The following MARK2 variants were observed in gnomAD, a reference collection of about 807,000 sequenced individuals.
MARK2 encodes the protein serine/threonine-protein kinase MARK2.
In MARK2, 16 loss-of-function variants were observed where a neutral mutation model predicts 89.8. The ratio of observed to expected loss-of-function variants is 0.18; its 90% CI spans 0.12 to 0.27. The LOEUF (loss-of-function observed/expected upper bound fraction) is 0.27, where lower values mean the gene tolerates loss of function less well. Ranked by LOEUF, MARK2 falls within the 10% of genes least tolerant of loss-of-function variation. The pLI, the probability that MARK2 is intolerant of heterozygous loss-of-function variation, is 1.00. For synonymous variants in MARK2, 382 were observed against 399.5 expected (o/e 0.96, Z 0.52); for missense variants, 621 against 1,049.9 (o/e 0.59, Z 5.65).
At chr11:63,840,639 C>G (rs142686763) in intron 1 of MARK2, among the ~76,000 whole-genome samples, 14 of 152,278 alleles carry the variant, frequency 9.2e-5, no homozygotes, top group African/African-American at 3.1e-4. Flanking sequence ...GTTTCTCCAC[C>G]CTCACCCCAT....
In MARK2 at chr11:63,904,989, G is replaced by A. The variant is rs199966079; in HGVS notation, c.1880G>A (p.Arg627Gln). Reference sequence around the variant, plus strand: ...TCTCCCTCTGGCCACAGCCAGGGCCGGCGGGGGGCCTCTGGGAGCATCTTC... The same window carrying A: ...TCTCCCTCTGGCCACAGCCAGGGCCAGCGGGGGGCCTCTGGGAGCATCTTC... ...PASPSGHSQGRRGASGSIFSK... is the reference protein window; with the variant it reads ...PASPSGHSQGQRGASGSIFSK... Residue 627 changes from arginine (R) to glutamine (Q), a missense_variant, in exon 16 of 19, where the codon CGG becomes CAG. Coordinates refer to ENST00000402010, the MANE Select transcript of MARK2 (RefSeq NM_001039469.3). The surrounding 1 kb of genome is among the most constrained non-coding windows in gnomAD (Gnocchi z 6.3). The A allele has an allele frequency of 8.1e-6, 13 of 1,614,056 alleles. No homozygotes were observed. The highest frequency in any genetic ancestry group is 2.7e-5 in the African/African-American group (2 of 74,932).
Position 63,903,116 on chromosome 11 carries a change from G to A in MARK2, c.1472G>A (p.Arg491Gln), listed in dbSNP as rs775619753. 10 of 1,614,012 alleles carry A rather than the reference G, an allele frequency of 6.2e-6. No homozygotes were observed. The South Asian group carries it at 6.6e-5, about 11-fold the overall frequency. Residue 491 changes from arginine to glutamine, a missense_variant, in exon 14 of 19, where the codon CGG becomes CAG. By Grantham distance (43) the Arg-to-Gln change is conservative. Around this residue, in one of 5 missense-constraint regions of MARK2, gnomAD observed 397 missense variants for 567.8 expected, o/e 0.70. Coordinates refer to ENST00000402010, the MANE Select transcript of MARK2 (RefSeq NM_001039469.3). The surrounding 1 kb of genome is among the most constrained non-coding windows in gnomAD (Gnocchi z 5.1). The part of the protein sequence containing the change: ...NRSRNSPLLE[R>Q]ASLGQASIQN... The stretch of plus-strand genomic sequence containing the variant: ...AGCAGGAATTCCCCACTTTTGGAGC[G>A]GGCCAGCCTCGGCCAGGCCTCCATC...
intron 1 of MARK2, among the ~76,000 whole-genome samples, chr11:63,883,198 A>C (rs1285377967): frequency 6.6e-6 from 1 of 152,148 alleles, no homozygotes; most frequent in Admixed American, 6.5e-5. Context: ...ACTGATGAAG[A>C]AGGGAAGAAC....
chr11:63,898,093 T>A, intron 3 of MARK2, 139 bp from the exon 4 acceptor site: 1 of 709,876 alleles, frequency 1.4e-6, no homozygotes, highest in Non-Finnish European at 2.5e-6. Flanking sequence ...AGGCCGTGCA[T>A]GAGCTAGACA....
At chr11:63,858,987 TTA>T (rs1385858844) in intron 1 of MARK2, among the ~76,000 whole-genome samples, 1 of 152,240 alleles carries the variant, frequency 6.6e-6, no homozygotes, top group African/African-American at 2.4e-5. Context: ...TAGCATTACT[TTA>T]TGTTTTTTTA....
At position 63,903,044 on chromosome 11, in the gene MARK2, C is replaced by A; in HGVS notation, c.1417-17C>A. The A allele has an allele frequency of 6.2e-7, 1 of 1,608,744 alleles. No individual in the cohort carries two copies. The highest frequency in any genetic ancestry group is 8.5e-7 in the Non-Finnish European group (1 of 1,175,288). ...CTTTGGCTTTCTGATAGAACGCTTG[C>A]CCTTTATTCCCCACAGAACAGCGTC... On this transcript the variant is annotated splice_polypyrimidine_tract_variant and intron_variant, in intron 13 of 18. Coordinates refer to ENST00000402010, the MANE Select transcript of MARK2 (RefSeq NM_001039469.3). This position sits in a 1 kb window ranked among gnomAD's most constrained non-coding sequence, Gnocchi z 5.1.
chr11:63,875,772 G>C (rs956917442), intron 1 of MARK2, among the ~76,000 whole-genome samples: 1 of 152,336 alleles, frequency 6.6e-6, no homozygotes, highest in Admixed American at 6.5e-5. Flanking sequence ...GGCGATGGGG[G>C]CCTGGCCGCC....
At chr11:63,868,990 G>C in intron 1 of MARK2, 1 of 390,760 alleles carries the variant, frequency 2.6e-6, no homozygotes, top group Non-Finnish European at 5.2e-6. Flanking sequence ...GTGAGACTAG[G>C]GACCATGTTT....
intron 1 of MARK2, chr11:63,869,325 C>T (rs1308528624): frequency 6.0e-6 from 1 of 166,782 alleles, no homozygotes; most frequent in East Asian, 1.7e-4. Context: ...AGGCAGCTCC[C>T]CACCTGGAAG....
chr11:63,894,758 G>A (rs565012925), intron 1 of MARK2, among the ~76,000 whole-genome samples: 18 of 152,172 alleles, frequency 1.2e-4, no homozygotes, highest in Non-Finnish European at 2.2e-4. Flanking sequence ...TGAGGGCGTT[G>A]AAGCAGTTAT....
At chr11:63,879,396 A>G (rs1404521183) in intron 1 of MARK2, among the ~76,000 whole-genome samples, 1 of 152,140 alleles carries the variant, frequency 6.6e-6, no homozygotes, top group Non-Finnish European at 1.5e-5. Context: ...AAATGACAGA[A>G]AAGAAGCACC....
intron 1 of MARK2, among the ~76,000 whole-genome samples, chr11:63,848,517 G>C (rs1395144993): frequency 6.7e-6 from 1 of 149,708 alleles, no homozygotes; most frequent in African/African-American, 2.5e-5. Flanking sequence ...CAAGTAGCTG[G>C]TACTACAGGC....
chr11:63,870,872 G>C (rs1429252431), intron 1 of MARK2, among the ~76,000 whole-genome samples: 1 of 152,182 alleles, frequency 6.6e-6, no homozygotes, highest in African/African-American at 2.4e-5. Context: ...CAAGACCTGG[G>C]GGGGTCTGAG....
At chr11:63,845,402 C>G (rs958203824) in intron 1 of MARK2, among the ~76,000 whole-genome samples, 1 of 152,170 alleles carries the variant, frequency 6.6e-6, no homozygotes, top group Non-Finnish European at 1.5e-5. Flanking sequence ...AAATGACAAA[C>G]CAGATAGGTG....
Position 63,909,067 on chromosome 11 carries a change from C to T in MARK2, c.2197C>T (p.Leu733=), listed in dbSNP as rs544713724. 6 of 1,611,868 alleles carry T rather than the reference C, an allele frequency of 3.7e-6. No individual in the cohort carries two copies. Among genetic ancestry groups the T allele is most frequent in the Admixed American group, 1.7e-5 (1 of 59,998 alleles). The change falls in exon 19 of 19, where the codon CTG becomes TTG. Residue 733 remains leucine (L), a synonymous_variant. Transcript: ENST00000402010. Reference sequence around the variant, plus strand: ...GAGCGAGCTGCATGAGAAGTACATGCTGCTGTGCATGCACGGCACGCCGGG... The same window carrying T: ...GAGCGAGCTGCATGAGAAGTACATGTTGCTGTGCATGCACGGCACGCCGGG... ...CQSELHEKYM[L]LCMHGTPGHE...
Position 63,848,643 on chromosome 11 carries a change from C to T in MARK2, c.54+9083C>T, listed in dbSNP as rs547985320. ...TCAGCTCACTGCAAGCTCTGCCTCC[C>T]GGGTTCACACCATTCTCCTGCCTCA... is the stretch of plus-strand genomic sequence containing the variant. On this transcript the variant is annotated intron_variant, in intron 1 of 18. Transcript: ENST00000402010. Among the ~76,000 whole-genome samples, 18 of 151,876 alleles carry T rather than the reference C, an allele frequency of 1.2e-4. No homozygotes were observed. The East Asian group carries it at 3.1e-3, about 26-fold the overall frequency.
At chr11:63,856,283 G>A (rs2016831065) in intron 1 of MARK2, among the ~76,000 whole-genome samples, 3 of 131,870 alleles carry the variant, frequency 2.3e-5, no homozygotes, top group African/African-American at 8.3e-5. Context: ...TCCTCCTTCT[G>A]ATACATACAC....
chr11:63,840,363 C>CG (rs991526322), intron 1 of MARK2, among the ~76,000 whole-genome samples: 1 of 152,166 alleles, frequency 6.6e-6, no homozygotes, highest in African/African-American at 2.4e-5. Flanking sequence ...CTCTTCCCCT[C>CG]GGGTTTGGCT....
intron 17 of MARK2, 84 bp from the exon 18 acceptor site, chr11:63,908,176 C>A: frequency 7.6e-7 from 1 of 1,315,416 alleles, no homozygotes; most frequent in Non-Finnish European, 1.1e-6. Context: ...TGGCACCTCC[C>A]CAGACCCACT....
Sources: allele counts gnomAD v4.1 joint callset (sites outside exome capture counted in the v4.1 genomes callset), GRCh38; gene constraint gnomAD v4.1.1; regional missense constraint gnomAD v4.1.1; non-coding constraint Gnocchi (gnomAD v3.1); transcripts MANE v1.5; gene names NCBI Gene and HGNC (gene_info 2026-07-23, HGNC 2026-07-21).